The following SPECC1L variants were observed in gnomAD, a reference collection of about 807,000 sequenced individuals.
SPECC1L encodes the protein cytospin-A.
A neutral mutation model predicts 116.8 loss-of-function variants in SPECC1L; 40 were observed. The ratio of observed to expected loss-of-function variants is 0.34; its 90% CI spans 0.27 to 0.45. SPECC1L has a LOEUF of 0.45. SPECC1L is among the 20% of genes least tolerant of loss of function. SPECC1L has a pLI of 1.00. For synonymous variants in SPECC1L, 504 were observed against 500.6 expected, an observed-to-expected ratio of 1.01 and a Z score of -0.09; for missense variants, 1,110 against 1,373.6, an observed-to-expected ratio of 0.81 and a Z score of 3.03.
intron 4 of SPECC1L, among the ~76,000 whole-genome samples, chr22:24,318,387 G>A (rs1224986617): frequency 1.3e-5 from 2 of 152,138 alleles, no homozygotes; most frequent in Non-Finnish European, 2.9e-5. Flanking sequence ...CAGGCGTGGC[G>A]GCGCGCGCCT....
chr22:24,383,737 A>G (rs1395022459), intron 14 of SPECC1L, among the ~76,000 whole-genome samples: 1 of 148,170 alleles, frequency 6.7e-6, no homozygotes, highest in African/African-American at 2.5e-5. Context: ...CCCAGGTTCA[A>G]GTGATGCTCC....
intron 14 of SPECC1L, among the ~76,000 whole-genome samples, chr22:24,382,178 A>G (rs2042074880): frequency 6.6e-6 from 1 of 152,202 alleles, no homozygotes; most frequent in Non-Finnish European, 1.5e-5. Context: ...AGCCAAGTCA[A>G]ATTTGGCAGG....
chr22:24,322,904 G>C lies in SPECC1L; in HGVS notation c.1924G>C (p.Asp642His). The C allele has an allele frequency of 6.2e-7, 1 of 1,613,948 alleles. No individual in the cohort carries two copies. The highest frequency in any genetic ancestry group is 8.5e-7 in the Non-Finnish European group (1 of 1,179,876). Residue 642 changes from aspartate (D) to histidine (H), a missense_variant, in exon 5 of 17, where the codon GAT (aspartate) becomes CAT (histidine). Physicochemically the swap from Asp to His is moderately conservative, Grantham distance 81 (BLOSUM62 -1). This residue lies in a region of SPECC1L where 575 missense variants were observed against 682.4 expected (regional missense o/e 0.84). Transcript: ENST00000314328. The stretch of plus-strand genomic sequence containing the variant: ...CCGAAATGATGCCAATCGATTACAG[G>C]ATGCCATTGCTAAGGTATTGTTTAA... ...HTRNDANRLQ[D>H]AIAKVEDEYR...
At chr22:24,376,931 C>T (rs1408465167) in intron 14 of SPECC1L, among the ~76,000 whole-genome samples, 1 of 149,588 alleles carries the variant, frequency 6.7e-6, no homozygotes, top group Non-Finnish European at 1.5e-5. Flanking sequence ...TAAGTGTATT[C>T]AGAGTTGTAT....
In SPECC1L at chr22:24,414,743, G is replaced by A. The variant is rs111361188; in HGVS notation, c.*120G>A. 4.4e-5 allele frequency: 37 copies of A among 837,600 alleles called. No homozygotes were observed. The highest frequency in any genetic ancestry group is 3.9e-4 in the African/African-American group (23 of 59,610). 51.9% of individuals were successfully genotyped at this position (837,600 alleles called of 1,614,324 possible). ...CAGCAACTCTGGGCTGCCCCACAGC[G>A]TGTGAGCCTCCAGCTCGGGGCTTCC... On this transcript the variant is annotated 3_prime_UTR_variant, in exon 17 of 17. Coordinates refer to ENST00000314328, the MANE Select transcript of SPECC1L (RefSeq NM_015330.6).
chr22:24,352,598 A>T (rs2041448000), intron 11 of SPECC1L, among the ~76,000 whole-genome samples: 1 of 152,228 alleles, frequency 6.6e-6, no homozygotes, highest in African/African-American at 2.4e-5. Flanking sequence ...TTTTACTGGA[A>T]AGCCAAACCT....
chr22:24,366,137 A>G (rs1368749243), intron 13 of SPECC1L, among the ~76,000 whole-genome samples: 2 of 152,074 alleles, frequency 1.3e-5, no homozygotes, highest in Non-Finnish European at 2.9e-5. Context: ...TGTACCTACC[A>G]TATCAAGGAA....
intron 14 of SPECC1L, among the ~76,000 whole-genome samples, chr22:24,376,433 T>C (rs1263620181): frequency 1.3e-5 from 2 of 152,188 alleles, no homozygotes; most frequent in East Asian, 3.8e-4. Flanking sequence ...CATTTACATA[T>C]AGTAACAGTA....
intron 2 of SPECC1L, among the ~76,000 whole-genome samples, chr22:24,297,981 T>G (rs1463091139): frequency 6.6e-6 from 1 of 152,212 alleles, no homozygotes; most frequent in Non-Finnish European, 1.5e-5. Flanking sequence ...GTTGTTAATC[T>G]CCTACTGTGC....
In SPECC1L at chr22:24,301,842, C is replaced by T. The variant is rs183289396; in HGVS notation, c.-37-353C>T. Among the ~76,000 whole-genome samples, 384 of 152,140 alleles carry T rather than the reference C, an allele frequency of 2.5e-3. 1 individual carries two copies. Among genetic ancestry groups the T allele is most frequent in the African/African-American group, 8.7e-3 (360 of 41,504 alleles). ...CGAGTGGATCACGAGGTCAGGAGAT[C>T]GAGACCATCCTGGCTAACACGGTGA... On this transcript the variant is annotated intron_variant, in intron 2 of 16. Transcript: ENST00000314328.
Position 24,417,197 on chromosome 22 carries a change from G to T in SPECC1L, c.*2574G>T, listed in dbSNP as rs7678. 0.12 allele frequency: 18,486 copies of T among 152,572 alleles called. 2,569 individuals carry two copies. The highest frequency in any genetic ancestry group is 0.34 in the African/African-American group (13,925 of 41,466). The allele number at this position is 152,572 out of a possible 1,614,324, so 9.5% of individuals were successfully genotyped here. On this transcript the variant is annotated 3_prime_UTR_variant, in exon 17 of 17. Transcript: ENST00000314328. ...CCAGGCTTCTGCGGACCGACGATAC[G>T]TTTAAATGTTGTTCTAGTAAATATT...
At chr22:24,410,384 AGGT>A in intron 14 of SPECC1L, among the ~76,000 whole-genome samples, 2 of 152,302 alleles carry the variant, frequency 1.3e-5, no homozygotes, top group African/African-American at 2.4e-5. Flanking sequence ...CTGATCTGGG[AGGT>A]CAGGCTGAGT....
At chr22:24,411,781 C>T in intron 15 of SPECC1L, 77 bp downstream of exon 15, 2 of 1,167,748 alleles carry the variant, frequency 1.7e-6, no homozygotes, top group Non-Finnish European at 2.6e-6. Context: ...GCACCTGCCT[C>T]AGCAGGTCAC....
chr22:24,305,157 T>C (rs2049466685), intron 3 of SPECC1L, among the ~76,000 whole-genome samples: 1 of 152,218 alleles, frequency 6.6e-6, no homozygotes. Flanking sequence ...TTGTGTTTTG[T>C]TTTGTTTTGA....
intron 14 of SPECC1L, among the ~76,000 whole-genome samples, chr22:24,405,413 G>T (rs530612433): frequency 6.6e-6 from 1 of 152,030 alleles, no homozygotes; most frequent in Admixed American, 6.5e-5. Context: ...CACGTCCCCA[G>T]GAGCAGGGCT....
intron 8 of SPECC1L, among the ~76,000 whole-genome samples, chr22:24,334,043 C>T (rs557114965): frequency 6.4e-5 from 9 of 141,278 alleles, no homozygotes; most frequent in Middle Eastern, 3.8e-3. Flanking sequence ...GATGGAGTCT[C>T]GCTCTTTTGC....
At chr22:24,333,169 G>A (rs1024052333) in intron 8 of SPECC1L, among the ~76,000 whole-genome samples, 6 of 152,054 alleles carry the variant, frequency 3.9e-5, no homozygotes, top group Non-Finnish European at 8.8e-5. Context: ...TGGAGGTTGC[G>A]GTGAGCCGAG....
At position 24,321,973 on chromosome 22, in the gene SPECC1L, T is replaced by C. The variant is rs139719602; in HGVS notation, c.993T>C (p.Asn331=). ...SVEDLLSQDE[N]TLMDHQHSNS... is the part of the protein sequence containing the mutation. The stretch of plus-strand genomic sequence containing the variant: ...AGGATCTCTTGAGTCAGGATGAAAA[T>C]ACACTAATGGACCATCAGCACAGTA... The change falls in exon 5 of 17, where the codon AAT becomes AAC. Residue 331 remains asparagine (N), a synonymous_variant. Transcript: ENST00000314328. 3.4e-5 allele frequency: 55 copies of C among 1,614,006 alleles called. No homozygotes were observed. The highest frequency in any genetic ancestry group is 4.5e-5 in the Non-Finnish European group (53 of 1,180,026).
chr22:24,304,781 T>C (rs2049456563), intron 3 of SPECC1L, among the ~76,000 whole-genome samples: 1 of 152,252 alleles, frequency 6.6e-6, no homozygotes, highest in African/African-American at 2.4e-5. Context: ...TTGTTAATTG[T>C]ATGAACAATC....
Sources: allele counts gnomAD v4.1 joint callset (sites outside exome capture counted in the v4.1 genomes callset), GRCh38; gene constraint gnomAD v4.1.1; regional missense constraint gnomAD v4.1.1; transcripts MANE v1.5; gene names NCBI Gene and HGNC (gene_info 2026-07-23, HGNC 2026-07-21).